The following ITPR2 variants were observed in gnomAD, a reference collection of about 807,000 sequenced individuals.
ITPR2 encodes inositol 1,4,5-trisphosphate-gated calcium channel ITPR2.
In ITPR2, 207 loss-of-function variants were observed where a neutral mutation model predicts 317.1. That is an observed-to-expected ratio of 0.65 (90% CI 0.58 to 0.73). The LOEUF (loss-of-function observed/expected upper bound fraction) is 0.73, where lower values mean the gene tolerates loss of function less well. ITPR2 is among the 30% of genes least tolerant of loss of function. ITPR2 has a pLI of 0.00. For missense variants in ITPR2, 2,613 were observed against 3,284.0 expected, an observed-to-expected ratio of 0.80 and a Z score of 4.99; for synonymous variants, 1,156 against 1,149.1, an observed-to-expected ratio of 1.01 and a Z score of -0.12.
intron 9 of ITPR2, among the ~76,000 whole-genome samples, chr12:26,701,943 C>T (rs1469879371): frequency 1.3e-5 from 2 of 152,088 alleles, no homozygotes; most frequent in Non-Finnish European, 2.9e-5. Context: ...AAAGTTTTTG[C>T]TTTAGTAAGA....
chr12:26,688,624 G>A (rs1948176800), intron 10 of ITPR2, among the ~76,000 whole-genome samples: 1 of 152,176 alleles, frequency 6.6e-6, no homozygotes, highest in Admixed American at 6.5e-5. Flanking sequence ...GAGGGGAGCA[G>A]TAGATGGTGG....
rs1946028687 is a variant in ITPR2, at chr12:26,602,657, A to G, written c.3512T>C (p.Ile1171Thr). The G allele has an allele frequency of 1.2e-6, 2 of 1,611,738 alleles. No homozygotes were observed. Among genetic ancestry groups the G allele is most frequent in the Non-Finnish European group, 8.5e-7 (1 of 1,178,408 alleles). The change falls in exon 27 of 57, where the codon ATT becomes ACT. Residue 1171 changes from isoleucine (I) to threonine (T), a missense_variant. Ile to Thr is a moderately conservative substitution (Grantham distance 89). This residue lies in a region of ITPR2 where 817 missense variants were observed against 897.6 expected (regional missense o/e 0.91). Transcript: ENST00000381340. ...GTAGTTATTGCTCTTGTTGCTGTCA[A>G]TCTGAGGTTTCTTTGTTCCATCCTG... ...PVQDGTKKPQ[I>T]DSNKSNNYRI...
chr12:26,646,394 C>T (rs1947115315), intron 21 of ITPR2, among the ~76,000 whole-genome samples: 1 of 151,988 alleles, frequency 6.6e-6, no homozygotes, highest in Middle Eastern at 3.2e-3. Context: ...AGTAACTATG[C>T]TGCCAGAAAA....
chr12:26,636,078 A>C (rs969169547), intron 21 of ITPR2, among the ~76,000 whole-genome samples: 4 of 152,252 alleles, frequency 2.6e-5, no homozygotes, highest in Non-Finnish European at 4.4e-5. Flanking sequence ...AGTTCTACGT[A>C]GTACATACAT....
At chr12:26,395,209 T>C (rs577480573) in intron 54 of ITPR2, among the ~76,000 whole-genome samples, 16 of 152,104 alleles carry the variant, frequency 1.1e-4, no homozygotes, top group African/African-American at 3.6e-4. Flanking sequence ...AACCTTCTAT[T>C]AAGGGGTTTT....
chr12:26,424,709 C>A (rs1941004427), intron 49 of ITPR2, among the ~76,000 whole-genome samples: 1 of 151,024 alleles, frequency 6.6e-6, no homozygotes, highest in Non-Finnish European at 1.5e-5. Context: ...CCTGCCTCAG[C>A]CTCCTGAGTA....
At chr12:26,512,974 A>G (rs1285375765) in intron 37 of ITPR2, among the ~76,000 whole-genome samples, 2 of 151,620 alleles carry the variant, frequency 1.3e-5, no homozygotes, top group African/African-American at 4.8e-5. Flanking sequence ...GGTGCCCACC[A>G]ACTCGAGTAG....
chr12:26,539,448 T>G (rs1450478944), intron 37 of ITPR2, among the ~76,000 whole-genome samples: 1 of 152,086 alleles, frequency 6.6e-6, no homozygotes, highest in East Asian at 1.9e-4. Context: ...GCCTACATGG[T>G]TTTTCTTTTT....
chr12:26,735,893 C>T (rs1246372885), intron 2 of ITPR2, among the ~76,000 whole-genome samples: 1 of 152,152 alleles, frequency 6.6e-6, no homozygotes, highest in Non-Finnish European at 1.5e-5. Flanking sequence ...TGGGAAGATG[C>T]CCTTTTAAAA....
Position 26,339,490 on chromosome 12 carries a change from G to A in ITPR2, c.8020-7C>T, listed in dbSNP as rs778946939. 6 of 1,612,092 alleles carry A rather than the reference G, an allele frequency of 3.7e-6. No homozygotes were observed. In the South Asian group the frequency reaches 6.6e-5, roughly 18 times the overall value. ...TCTTCCTTTGTTCTGTCATCTGGGG[G>A]AAAAGAGAGAGTGTGTGTTCAGCGG... On this transcript the variant is annotated splice_region_variant and splice_polypyrimidine_tract_variant and intron_variant, in intron 56 of 56. Coordinates refer to ENST00000381340, the MANE Select transcript of ITPR2 (RefSeq NM_002223.4).
intron 1 of ITPR2, among the ~76,000 whole-genome samples, chr12:26,824,382 A>T (rs1397467348): frequency 2.0e-5 from 3 of 152,334 alleles, no homozygotes; most frequent in Non-Finnish European, 2.9e-5. Context: ...TACATGAGTT[A>T]AATCAACCAA....
rs139570974 is a variant in ITPR2, at chr12:26,417,406, T to A, written c.7110+1643A>T. On this transcript the variant is annotated intron_variant, in intron 50 of 56. Coordinates refer to ENST00000381340, the MANE Select transcript of ITPR2 (RefSeq NM_002223.4). The stretch of plus-strand genomic sequence containing the variant: ...TTGGCTCTGTGTCTCCACCCAAATT[T>A]CATCTCGAATTGTAATCGCCATGTG... Among the ~76,000 whole-genome samples the A allele has an allele frequency of 5.7e-3, 866 of 152,286 alleles. 8 individuals are homozygous for A. The highest frequency in any genetic ancestry group is 0.02 in the African/African-American group (812 of 41,570).
intron 26 of ITPR2, among the ~76,000 whole-genome samples, chr12:26,611,749 C>A (rs1011460961): frequency 6.6e-6 from 1 of 152,194 alleles, no homozygotes; most frequent in African/African-American, 2.4e-5. Flanking sequence ...CATCTCAACC[C>A]TAAATAAAGC....
At chr12:26,645,895 T>C (rs1947101685) in intron 21 of ITPR2, among the ~76,000 whole-genome samples, 1 of 152,082 alleles carries the variant, frequency 6.6e-6, no homozygotes, top group South Asian at 2.1e-4. Flanking sequence ...TGATCCCCCA[T>C]TTCCACATAC....
chr12:26,432,541 A>G (rs187694542), intron 48 of ITPR2, among the ~76,000 whole-genome samples: 1 of 152,284 alleles, frequency 6.6e-6, no homozygotes, highest in East Asian at 1.9e-4. Context: ...ATTGTACATT[A>G]TATATAGGTT....
In ITPR2 at chr12:26,494,276, C is replaced by G; in HGVS notation, c.5247G>C (p.Leu1749=). 1 of 1,613,352 alleles carries G rather than the reference C, an allele frequency of 6.2e-7. No individual in the cohort carries two copies. The highest frequency in any genetic ancestry group is 8.5e-7 in the Non-Finnish European group (1 of 1,179,662). Residue 1749 remains leucine (L), a synonymous_variant, in exon 39 of 57, where the codon CTG becomes CTC. Transcript: ENST00000381340. Reference sequence around the variant, plus strand: ...CAAGTTCTGATGCACCTTCTTTATCCAGCAGACACTGAATGTCTGACATTG... The same window carrying G: ...CAAGTTCTGATGCACCTTCTTTATCGAGCAGACACTGAATGTCTGACATTG... The part of the protein sequence containing the change: ...GISMSDIQCL[L]DKEGASELVI...
At chr12:26,718,062 T>C (rs1948771455) in intron 5 of ITPR2, among the ~76,000 whole-genome samples, 1 of 152,212 alleles carries the variant, frequency 6.6e-6, no homozygotes, top group East Asian at 1.9e-4. Flanking sequence ...TTTTTTTCTT[T>C]ATTTCTTCTA....
chr12:26,471,127 C>T (rs1942282088), intron 45 of ITPR2, among the ~76,000 whole-genome samples: 1 of 152,204 alleles, frequency 6.6e-6, no homozygotes, highest in African/African-American at 2.4e-5. Context: ...CTTCCTACAG[C>T]TTGCTATCTA....
rs568313099 is a variant in ITPR2, at chr12:26,691,882, T to TC, written c.996+3723dup. ...TGTTTTTGTTCACATCCTCCAGGGC[T>TC]CTCACTACTGACTTTATGTAACCGC... On this transcript the variant is annotated intron_variant, in intron 10 of 56. Transcript: ENST00000381340. Among the ~76,000 whole-genome samples the TC allele has an allele frequency of 2.6e-3, 392 of 152,122 alleles. 3 individuals are homozygous for TC. Among genetic ancestry groups the TC allele is most frequent in the African/African-American group, 8.7e-3 (363 of 41,520 alleles).
Sources: allele counts gnomAD v4.1 joint callset (sites outside exome capture counted in the v4.1 genomes callset), GRCh38; gene constraint gnomAD v4.1.1; regional missense constraint gnomAD v4.1.1; transcripts MANE v1.5; gene names NCBI Gene and HGNC (gene_info 2026-07-23, HGNC 2026-07-21).